The following GLIS3 variants were observed in gnomAD, a reference collection of about 807,000 sequenced individuals.
GLIS3 encodes the protein GLIS family zinc finger 3.
In GLIS3, 53 loss-of-function variants were observed where a neutral mutation model predicts 78.6. That is an observed-to-expected ratio of 0.67 (90% confidence interval 0.54 to 0.85). The LOEUF (loss-of-function observed/expected upper bound fraction) is 0.85. Among genes scored for constraint, GLIS3 ranks in the 40% least tolerant of loss-of-function variants. GLIS3 has a pLI of 0.00. For missense variants in GLIS3, 1,703 were observed against 1,231.1 expected (o/e 1.38, Z -5.74); for synonymous variants, 684 against 509.9 (o/e 1.34, Z -4.60).
chr9:4,259,623 GT>G (rs1563848972), intron 2 of GLIS3, among the ~76,000 whole-genome samples: 1 of 152,166 alleles, frequency 6.6e-6, no homozygotes, highest in African/African-American at 2.4e-5. Flanking sequence ...TGTGCTTTCA[GT>G]TTTTGCTTGC....
At chr9:4,241,202 C>T (rs1003617404) in intron 2 of GLIS3, among the ~76,000 whole-genome samples, 4 of 151,994 alleles carry the variant, frequency 2.6e-5, no homozygotes, top group African/African-American at 4.8e-5. Flanking sequence ...GTGGAGTAGA[C>T]GTGAAAGGAA....
intron 4 of GLIS3, among the ~76,000 whole-genome samples, chr9:3,961,175 G>C (rs1335122150): frequency 6.6e-6 from 1 of 152,140 alleles, no homozygotes; most frequent in Non-Finnish European, 1.5e-5. Context: ...TGCATTATAA[G>C]AAAGTAAATG....
At chr9:4,107,842 TTTTA>T (rs570629202) in intron 4 of GLIS3, among the ~76,000 whole-genome samples, 2 of 152,218 alleles carry the variant, frequency 1.3e-5, no homozygotes, top group Non-Finnish European at 2.9e-5. Context: ...CTCAAAACCA[TTTTA>T]TTTCTTTATT....
chr9:4,195,885 T>G (rs1399208703), intron 2 of GLIS3, among the ~76,000 whole-genome samples: 2 of 152,258 alleles, frequency 1.3e-5, no homozygotes, highest in Non-Finnish European at 2.9e-5. Context: ...AGAACTTTTA[T>G]GTCTAGCTAG....
the GLIS3 span, among the ~76,000 whole-genome samples, chr9:4,463,197 T>A: frequency 6.6e-6 from 1 of 152,230 alleles, no homozygotes; most frequent in Non-Finnish European, 1.5e-5. Context: ...AGAAGCAATT[T>A]TACTAATGGT....
chr9:4,286,279 G>A lies in GLIS3; in HGVS notation c.147C>T (p.Pro49=), dbSNP rs764906256. The A allele has an allele frequency of 1.9e-6, 3 of 1,614,240 alleles. No individual in the cohort carries two copies. Among genetic ancestry groups the A allele is most frequent in the East Asian group, 4.5e-5 (2 of 44,882 alleles). ...GPSPCGSTSS[P]TMASLANNLH... Reference sequence around the variant, plus strand: ...GGTTGTTAGCAAGGCTTGCCATAGTGGGACTCGATGTGCTGCCACAGGGCG... The same window carrying A: ...GGTTGTTAGCAAGGCTTGCCATAGTAGGACTCGATGTGCTGCCACAGGGCG... Residue 49 remains proline (P), a synonymous_variant, in exon 2 of 11, where the codon CCC becomes CCT. Coordinates refer to ENST00000381971, the MANE Select transcript of GLIS3 (RefSeq NM_001042413.2).
chr9:3,900,301 T>TA (rs914608084), intron 6 of GLIS3, among the ~76,000 whole-genome samples: 15 of 149,964 alleles, frequency 1.0e-4, no homozygotes, highest in East Asian at 3.9e-4. Flanking sequence ...ATCAAAAACT[T>TA]AAAAAAAAAC....
chr9:4,447,026 T>A, the GLIS3 span, among the ~76,000 whole-genome samples: 1 of 152,056 alleles, frequency 6.6e-6, no homozygotes, highest in African/African-American at 2.4e-5. Flanking sequence ...ATGCCTGTAA[T>A]GGACCTCTAT....
intron 4 of GLIS3, among the ~76,000 whole-genome samples, chr9:4,029,916 T>C (rs1823683599): frequency 6.6e-6 from 1 of 152,236 alleles, no homozygotes. Flanking sequence ...GGAGTGCAGA[T>C]ATCTCTTCAA....
At chr9:4,464,779 T>C in the GLIS3 span, among the ~76,000 whole-genome samples, 428 of 152,230 alleles carry the variant, frequency 2.8e-3, 9 homozygotes, top group East Asian at 0.046. Flanking sequence ...AAGTGGTATA[T>C]AGAAGAAGAA....
chr9:3,996,628 GAAAAAA>G (rs892382820), intron 4 of GLIS3, among the ~76,000 whole-genome samples: 3 of 151,928 alleles, frequency 2.0e-5, no homozygotes, highest in South Asian at 2.1e-4. Context: ...TAGGAGTTAG[GAAAAAA>G]ACTGCAAAAC....
At chr9:4,017,670 A>G (rs1822548162) in intron 4 of GLIS3, among the ~76,000 whole-genome samples, 1 of 152,342 alleles carries the variant, frequency 6.6e-6, no homozygotes, top group African/African-American at 2.4e-5. Context: ...GAAGAGTCAC[A>G]GACAAAGATA....
intron 8 of GLIS3, among the ~76,000 whole-genome samples, chr9:3,862,052 C>A (rs1010562749): frequency 6.6e-6 from 1 of 152,060 alleles, no homozygotes; most frequent in South Asian, 2.1e-4. Flanking sequence ...TATCTTGGTG[C>A]TGGGTTTTCC....
chr9:4,173,613 T>C (rs1816570199), intron 2 of GLIS3, among the ~76,000 whole-genome samples: 1 of 149,118 alleles, frequency 6.7e-6, no homozygotes, highest in African/African-American at 2.5e-5. Flanking sequence ...TATATATGTT[T>C]GTTTTTGAAA....
chr9:3,998,136 G>C (rs1353098695), intron 4 of GLIS3, among the ~76,000 whole-genome samples: 1 of 152,054 alleles, frequency 6.6e-6, no homozygotes, highest in Admixed American at 6.6e-5. Context: ...TACTCTTTGA[G>C]CATCTCCTTG....
intron 4 of GLIS3, among the ~76,000 whole-genome samples, chr9:4,031,049 G>C (rs1458055932): frequency 1.3e-5 from 2 of 152,168 alleles, no homozygotes; most frequent in Non-Finnish European, 1.5e-5. Flanking sequence ...CTGCTGGTAG[G>C]AATGTAAAAT....
intron 4 of GLIS3, among the ~76,000 whole-genome samples, chr9:4,018,643 G>A (rs547425139): frequency 6.6e-6 from 1 of 152,078 alleles, no homozygotes; most frequent in Non-Finnish European, 1.5e-5. Flanking sequence ...AGGAGCAATG[G>A]TTCTCAACTG....
chr9:4,158,582 A>AT (rs1835218588), intron 2 of GLIS3, among the ~76,000 whole-genome samples: 1 of 152,140 alleles, frequency 6.6e-6, no homozygotes, highest in African/African-American at 2.4e-5. Flanking sequence ...ACTTTTCCTC[A>AT]TTTTCCTATA....
chr9:3,956,357 T>C (rs1817112424), intron 4 of GLIS3, among the ~76,000 whole-genome samples: 1 of 152,198 alleles, frequency 6.6e-6, no homozygotes, highest in Non-Finnish European at 1.5e-5. Flanking sequence ...CGCCATGAGT[T>C]TGAGACTATA....
Sources: gnomAD v4.1 joint callset for allele counts (sites outside exome capture counted in the v4.1 genomes callset) on GRCh38, gnomAD v4.1.1 for gene constraint, MANE v1.5 for transcripts, NCBI Gene and HGNC (gene_info 2026-07-23, HGNC 2026-07-21) for gene names.